CLIP3: variants seen among roughly 807,000 people sequenced by gnomAD.
CLIP3 encodes the protein CAP-Gly domain containing linker protein 3.
A neutral mutation model predicts 59.4 loss-of-function variants in CLIP3; 15 were observed. The observed-to-expected ratio is 0.25, with a 90% CI of 0.17 to 0.39. The LOEUF (loss-of-function observed/expected upper bound fraction) is 0.39. CLIP3 is among the 10% of genes least tolerant of loss of function. The probability of loss-of-function intolerance (pLI) is 1.00; values close to 1 mark genes in which losing one functional copy is unlikely to be tolerated. For missense variants in CLIP3, 495 were observed against 765.7 expected (o/e 0.65, Z 4.17); for synonymous variants, 300 against 321.6 (o/e 0.93, Z 0.72).
At chr19:36,029,476 C>G (rs1033028358) in intron 2 of CLIP3, among the ~76,000 whole-genome samples, 36 of 148,192 alleles carry the variant, frequency 2.4e-4, no homozygotes, top group African/African-American at 9.0e-4. Context: ...GTAGTGACAA[C>G]GTTTTGCTAT....
At chr19:36,028,619 C>T (rs942905159) in intron 2 of CLIP3, among the ~76,000 whole-genome samples, 6 of 152,204 alleles carry the variant, frequency 3.9e-5, no homozygotes, top group Admixed American at 2.0e-4. Context: ...AGCCGGCATG[C>T]TCCTTTTAGA....
chr19:36,019,395 T>C (rs1282735394), intron 7 of CLIP3, 89 bp from the exon 8 acceptor site: 5 of 1,512,174 alleles, frequency 3.3e-6, no homozygotes, highest in Non-Finnish European at 4.5e-6. Context: ...GTGGGTTGCA[T>C]GAGGCCGCCC....
At chr19:36,023,345 AAC>A (rs762436857) in intron 7 of CLIP3, among the ~76,000 whole-genome samples, 44 of 152,174 alleles carry the variant, frequency 2.9e-4, no homozygotes, top group Non-Finnish European at 4.0e-4. Context: ...TCCCCTCGTC[AAC>A]ACTGCCCCTT....
chr19:36,018,958 G>T lies in CLIP3; in HGVS notation c.1123C>A (p.Pro375Thr), dbSNP rs1423173295. The change falls in exon 9 of 14, where the codon CCC (proline) becomes ACC (threonine). Residue 375 changes from proline to threonine, a missense_variant. Transcript: ENST00000360535. ...GAGAAGTCCATCCGGGGGGTCCGGG[G>T]TGTGGAGGTGACAGAGGAGGGGGGT... ...DAPPSSVTST[P>T]RTPRMDFSRV... 4 of 1,610,874 alleles carry T rather than the reference G, an allele frequency of 2.5e-6. No individual in the cohort carries two copies. The highest frequency in any genetic ancestry group is 3.4e-6 in the Non-Finnish European group (4 of 1,178,528).
chr19:36,021,722 C>T (rs137894264), intron 7 of CLIP3, among the ~76,000 whole-genome samples: 2,196 of 151,978 alleles, frequency 0.014, 23 homozygotes, highest in Non-Finnish European at 0.023. Context: ...CCACATTTGG[C>T]GGAAACATTT....
intron 2 of CLIP3, among the ~76,000 whole-genome samples, chr19:36,028,636 G>C (rs1350421232): frequency 2.0e-5 from 3 of 152,198 alleles, no homozygotes; most frequent in Admixed American, 2.0e-4. Context: ...TAGAACTGCA[G>C]TCACATCATA....
chr19:36,032,332 A>G lies in CLIP3; in HGVS notation c.26T>C (p.Met9Thr). The change falls in exon 2 of 14, where the codon ATG (methionine) becomes ACG (threonine). Residue 9 changes from methionine to threonine, a missense_variant. This residue lies in a region of CLIP3 where 90 missense variants were observed against 105.2 expected (regional missense o/e 0.86). Transcript: ENST00000360535. This position sits in a 1 kb window ranked among gnomAD's most constrained non-coding sequence, Gnocchi z 4.3. MTKTDPAPMAPPPRGEEEE... is the reference protein window; with the variant it reads MTKTDPAPTAPPPRGEEEE... ...CTCCTCTCCTCGGGGTGGCGGGGCCATCGGGGCAGGATCTGTCTTAGTCAT... is the reference window on the plus strand; with the variant it reads ...CTCCTCTCCTCGGGGTGGCGGGGCCGTCGGGGCAGGATCTGTCTTAGTCAT... 7.9e-7 allele frequency: 1 copy of G among 1,271,038 alleles called. No individual in the cohort carries two copies. The highest frequency in any genetic ancestry group is 1.0e-6 in the Non-Finnish European group (1 of 1,000,420). 78.7% of individuals were successfully genotyped at this position (1,271,038 alleles called of 1,614,324 possible). A position where few individuals can be genotyped will look rare whatever the true frequency, so the allele number is the denominator to read the frequency against.
Position 36,032,110 on chromosome 19 carries a change from C to A in CLIP3, c.166+82G>T. The A allele has an allele frequency of 1.3e-6, 1 of 748,244 alleles. No homozygotes were observed. The highest frequency in any genetic ancestry group is 1.8e-5 in the African/African-American group (1 of 55,124). 46.4% of individuals were successfully genotyped at this position (748,244 alleles called of 1,614,324 possible). Reference sequence around the variant, plus strand: ...TTCAAATTCCCCAGAATTCTCCCACCATCACCACCAGCAGAGCACAGCCCA... The same window carrying A: ...TTCAAATTCCCCAGAATTCTCCCACAATCACCACCAGCAGAGCACAGCCCA... On this transcript the variant is annotated intron_variant, in intron 2 of 13. Transcript: ENST00000360535. The surrounding 1 kb of genome is among the most constrained non-coding windows in gnomAD (Gnocchi z 4.3).
Position 36,026,084 on chromosome 19 carries a change from TG to T in CLIP3, c.681+62del. On this transcript the variant is annotated intron_variant, in intron 6 of 13. Coordinates refer to ENST00000360535, the MANE Select transcript of CLIP3 (RefSeq NM_015526.3). This position sits in a 1 kb window ranked among gnomAD's most constrained non-coding sequence, Gnocchi z 6.3. ...AGTCACGGGAAACGCAGAGACCTGC[TG>T]GAGGGAAGTGGGGGAGGAAGGGAGC... is the stretch of plus-strand genomic sequence containing the variant. The T allele has an allele frequency of 7.8e-7, 1 of 1,276,776 alleles. No homozygotes were observed. The highest frequency in any genetic ancestry group is 1.1e-6 in the Non-Finnish European group (1 of 879,364). The allele number at this position is 1,276,776 out of a possible 1,614,324, so 79.1% of individuals were successfully genotyped here.
intron 2 of CLIP3, among the ~76,000 whole-genome samples, chr19:36,031,021 T>TC (rs1969248202): frequency 4.6e-5 from 5 of 109,566 alleles, no homozygotes; most frequent in African/African-American, 1.4e-4. Context: ...TTTTTTTTTT[T>TC]TCTTTTTTTT....
chr19:36,016,963 G>C lies in CLIP3; in HGVS notation c.1533C>G (p.Arg511=), dbSNP rs975202954. 1.9e-6 allele frequency: 3 copies of C among 1,613,916 alleles called. No individual in the cohort carries two copies. Among genetic ancestry groups the C allele is most frequent in the Non-Finnish European group, 1.7e-6 (2 of 1,179,994 alleles). The change falls in exon 13 of 14, where the codon CGC becomes CGG. Residue 511 remains arginine, a synonymous_variant. Coordinates refer to ENST00000360535, the MANE Select transcript of CLIP3 (RefSeq NM_015526.3). The surrounding 1 kb of genome is among the most constrained non-coding windows in gnomAD (Gnocchi z 4.1). ...VHQVTMTQPK[R]TFTTVRTPKD... The stretch of plus-strand genomic sequence containing the variant: ...TTGGGGTCCGGACTGTGGTGAAGGT[G>C]CGTTTGGGCTGCGTCACTGAAGAGG...
rs757697239 is a variant in CLIP3, at chr19:36,027,219, G to A, written c.219C>T (p.Asp73=). 1.9e-5 allele frequency: 31 copies of A among 1,613,474 alleles called. No homozygotes were observed. In the East Asian group the frequency reaches 6.7e-4, roughly 35 times the overall value. The change falls in exon 3 of 14, where the codon GAC becomes GAT. Residue 73 remains aspartate, a synonymous_variant. Transcript: ENST00000360535. ...NDPACQEILF[D]PQTTIPELFA... ...ACAGCTCGGGGATGGTGGTCTGAGG[G>A]TCAAACAGGATCTCCTGGCACGCCG...
chr19:36,025,380 C>T (rs1203087183), intron 6 of CLIP3, among the ~76,000 whole-genome samples: 1 of 151,620 alleles, frequency 6.6e-6, no homozygotes. Flanking sequence ...CACCTGAGGT[C>T]AGGAGCTCGA....
chr19:36,031,892 C>T (rs1969275590), intron 2 of CLIP3, among the ~76,000 whole-genome samples: 1 of 152,294 alleles, frequency 6.6e-6, no homozygotes, highest in South Asian at 2.1e-4. Flanking sequence ...GTCTCTCTTG[C>T]CCCCTGCTGT....
chr19:36,021,467 T>C (rs922916504), intron 7 of CLIP3, among the ~76,000 whole-genome samples: 3 of 151,676 alleles, frequency 2.0e-5, no homozygotes, highest in African/African-American at 7.3e-5. Flanking sequence ...TCATTATTAG[T>C]AGAGATGAGG....
chr19:36,024,226 AG>A, intron 7 of CLIP3, 169 bp downstream of exon 7: 1 of 622,014 alleles, frequency 1.6e-6, no homozygotes, highest in South Asian at 2.0e-5. Flanking sequence ...TGAGGCTCAA[AG>A]GAGACACCCA....
In CLIP3 at chr19:36,026,172, T is replaced by G. The variant is rs1245650496; in HGVS notation, c.656A>C (p.Glu219Ala). ...CCTCAGCGCAGGGTTGGCGCCGTGC[T>G]CCAGCAAACATTTGGCGGCGCCCAG... ...LCLGAAKCLL[E>A]HGANPALRNR... Residue 219 changes from glutamate to alanine, a missense_variant, in exon 6 of 14, where the codon GAG becomes GCG. Glu to Ala is a moderately radical substitution (Grantham distance 107). Transcript: ENST00000360535. This position sits in a 1 kb window ranked among gnomAD's most constrained non-coding sequence, Gnocchi z 6.3. The G allele has an allele frequency of 6.2e-7, 1 of 1,613,658 alleles. No homozygotes were observed. Among genetic ancestry groups the G allele is most frequent in the Non-Finnish European group, 8.5e-7 (1 of 1,179,928 alleles).
In CLIP3 at chr19:36,027,058, G is replaced by T; in HGVS notation, c.307-13C>A. On this transcript the variant is annotated splice_polypyrimidine_tract_variant and intron_variant, in intron 3 of 13. Coordinates refer to ENST00000360535, the MANE Select transcript of CLIP3 (RefSeq NM_015526.3). ...CTCGGCGCAGAATCTGTGAGTACCA[G>T]GGGAGCAGGGAGGGTCACCCACACA... 1 of 1,601,072 alleles carries T rather than the reference G, an allele frequency of 6.2e-7. No homozygotes were observed. Among genetic ancestry groups the T allele is most frequent in the Non-Finnish European group, 8.5e-7 (1 of 1,175,680 alleles).
chr19:36,016,418 G>A lies in CLIP3; in HGVS notation c.1590-206C>T, dbSNP rs765673148. 6.6e-6 allele frequency among the ~76,000 whole-genome samples: 1 copy of A among 152,198 alleles called. No individual in the cohort carries two copies. Among genetic ancestry groups the A allele is most frequent in the Non-Finnish European group, 1.5e-5 (1 of 68,028 alleles). On this transcript the variant is annotated intron_variant, in intron 13 of 13. Transcript: ENST00000360535. This position sits in a 1 kb window ranked among gnomAD's most constrained non-coding sequence, Gnocchi z 4.1. ...GCTGGAGTGCCATGGCACGATCTCGGCTCACTGCAACCTCTGCCTCCCAGG... is the reference window on the plus strand; with the variant it reads ...GCTGGAGTGCCATGGCACGATCTCGACTCACTGCAACCTCTGCCTCCCAGG...
Sources: gnomAD v4.1 joint callset for allele counts (sites outside exome capture counted in the v4.1 genomes callset) on GRCh38, gnomAD v4.1.1 for gene constraint, gnomAD v4.1.1 regional missense constraint, Gnocchi (gnomAD v3.1) non-coding constraint, MANE v1.5 for transcripts, NCBI Gene and HGNC (gene_info 2026-07-23, HGNC 2026-07-21) for gene names.